The following OSBPL1A variants were observed in gnomAD, a reference collection of about 807,000 sequenced individuals.
OSBPL1A encodes oxysterol-binding protein-related protein 1.
OSBPL1A carries 80 observed loss-of-function variants against 137.1 expected under a neutral mutation model. The ratio of observed to expected loss-of-function variants is 0.58; its 90% CI spans 0.49 to 0.70. The LOEUF (loss-of-function observed/expected upper bound fraction) is 0.70, where lower values mean the gene tolerates loss of function less well. Among genes scored for constraint, OSBPL1A ranks in the 30% least tolerant of loss-of-function variants. The pLI is 0.00. For synonymous variants in OSBPL1A, 365 were observed against 389.7 expected (o/e 0.94, Z 0.75); for missense variants, 970 against 1,129.4 (o/e 0.86, Z 2.02).
rs143568480 is a variant in OSBPL1A at position 24,298,580 on chromosome 18, C to T, written c.1174+5057G>A. On this transcript the variant is annotated intron_variant, in intron 14 of 27. Coordinates refer to ENST00000319481, the MANE Select transcript of OSBPL1A (RefSeq NM_080597.4). ...CAGGATGGTCTCGATCTCCGGACCT[C>T]GTGTTCCACCCACCTCGGCCTCCCA... Among the ~76,000 whole-genome samples the T allele has an allele frequency of 5.6e-3, 851 of 152,288 alleles. 7 individuals carry two copies. The highest frequency in any genetic ancestry group is 0.02 in the African/African-American group (819 of 41,560).
intron 1 of OSBPL1A, among the ~76,000 whole-genome samples, chr18:24,383,456 G>A (rs1304467422): frequency 4.6e-5 from 7 of 152,176 alleles, no homozygotes; most frequent in African/African-American, 1.7e-4. Flanking sequence ...AATATGAAAA[G>A]GATAAAAATA....
intron 14 of OSBPL1A, among the ~76,000 whole-genome samples, chr18:24,294,362 G>A (rs141161554): frequency 1.3e-5 from 2 of 152,160 alleles, no homozygotes; most frequent in African/African-American, 4.8e-5. Flanking sequence ...CTCCTGAGTA[G>A]CGGGGATTAC....
intron 16 of OSBPL1A, among the ~76,000 whole-genome samples, chr18:24,238,775 C>T (rs539860302): frequency 7.2e-5 from 11 of 152,290 alleles, no homozygotes; most frequent in South Asian, 4.1e-4. Context: ...GTGGTCTCAC[C>T]TCTACTGTGG....
chr18:24,167,292 C>T lies in OSBPL1A; in HGVS notation c.2535+37G>A, dbSNP rs771343719. 5 of 1,565,656 alleles carry T rather than the reference C, an allele frequency of 3.2e-6. No individual in the cohort carries two copies. The South Asian group carries it at 5.6e-5, about 17-fold the overall frequency. On this transcript the variant is annotated intron_variant, in intron 25 of 27. Transcript: ENST00000319481. ...GGAAAGAGCGCCACAATGCTAAACA[C>T]AGACAGTGAGGCCACAGCCAGCAAG...
intron 15 of OSBPL1A, among the ~76,000 whole-genome samples, chr18:24,260,837 C>CAA (rs71373370): frequency 0.23 from 27,074 of 120,108 alleles, 3,202 homozygotes; most frequent in African/African-American, 0.36. Context: ...TAAAAGAACT[C>CAA]AAAAAAAAAA....
intron 15 of OSBPL1A, among the ~76,000 whole-genome samples, chr18:24,252,298 A>G (rs1195437994): frequency 6.6e-6 from 1 of 152,198 alleles, no homozygotes; most frequent in African/African-American, 2.4e-5. Context: ...AAGGTCAAGT[A>G]TAAAGAAAGA....
intron 7 of OSBPL1A, among the ~76,000 whole-genome samples, chr18:24,323,307 C>G (rs1295283534): frequency 2.0e-5 from 3 of 151,920 alleles, no homozygotes; most frequent in Non-Finnish European, 4.4e-5. Context: ...AATCCCAGCA[C>G]TTTGGGAGGC....
intron 21 of OSBPL1A, among the ~76,000 whole-genome samples, chr18:24,172,906 C>T (rs574824844): frequency 6.6e-6 from 1 of 152,188 alleles, no homozygotes; most frequent in Admixed American, 6.5e-5. Context: ...TCCTATATAT[C>T]CAGAGGAATA....
At chr18:24,183,472 G>A (rs544217906) in intron 18 of OSBPL1A, among the ~76,000 whole-genome samples, 32 of 144,960 alleles carry the variant, frequency 2.2e-4, no homozygotes, top group Non-Finnish European at 9.0e-5. Flanking sequence ...TGCTCTTGTC[G>A]CCCAGGCTGG....
intron 15 of OSBPL1A, among the ~76,000 whole-genome samples, chr18:24,251,048 G>A (rs1430310088): frequency 6.6e-6 from 1 of 152,176 alleles, no homozygotes; most frequent in Non-Finnish European, 1.5e-5. Flanking sequence ...GGAAGAGCGG[G>A]AAGGACTTTA....
Position 24,346,342 on chromosome 18 carries a change from C to T in OSBPL1A, c.283-4684G>A, listed in dbSNP as rs78043185. 2.2e-3 allele frequency among the ~76,000 whole-genome samples: 339 copies of T among 152,296 alleles called. 7 individuals are homozygous for T. In the East Asian group the frequency reaches 0.024, roughly 11 times the overall value. ...GGTGTAATTCACATACCATAAACTT[C>T]ACCCTGCTAAAAGTGCACAATTCTG... On this transcript the variant is annotated intron_variant, in intron 4 of 27. Transcript: ENST00000319481.
intron 15 of OSBPL1A, among the ~76,000 whole-genome samples, chr18:24,269,710 A>G (rs1380566484): frequency 6.6e-6 from 1 of 152,198 alleles, no homozygotes; most frequent in African/African-American, 2.4e-5. Flanking sequence ...TCAGAGTACA[A>G]GCCAGGCACT....
rs937516076 is a variant in OSBPL1A, at chr18:24,284,125, C to T, written c.1175-3177G>A. On this transcript the variant is annotated intron_variant, in intron 14 of 27. Coordinates refer to ENST00000319481, the MANE Select transcript of OSBPL1A (RefSeq NM_080597.4). ...CACAGCGGAACAGTTTAAGAATTGCCGAACCTTGCCGTATGCCACACTGCA... is the reference window on the plus strand; with the variant it reads ...CACAGCGGAACAGTTTAAGAATTGCTGAACCTTGCCGTATGCCACACTGCA... Among the ~76,000 whole-genome samples the T allele has an allele frequency of 5.3e-5, 8 of 151,980 alleles. No homozygotes were observed. The South Asian group carries it at 6.2e-4, about 12-fold the overall frequency.
At chr18:24,345,130 T>A (rs2091324583) in intron 4 of OSBPL1A, among the ~76,000 whole-genome samples, 1 of 149,966 alleles carries the variant, frequency 6.7e-6, no homozygotes, top group Non-Finnish European at 1.5e-5. Context: ...GAAGAATGTT[T>A]AAAAAAAAAT....
At chr18:24,371,291 AAC>A (rs1458899104) in intron 2 of OSBPL1A, among the ~76,000 whole-genome samples, 1 of 152,162 alleles carries the variant, frequency 6.6e-6, no homozygotes, top group Non-Finnish European at 1.5e-5. Context: ...CATATATTCC[AAC>A]AAAAAGTAAT....
chr18:24,214,155 T>C (rs2087625917), intron 17 of OSBPL1A, among the ~76,000 whole-genome samples: 1 of 152,232 alleles, frequency 6.6e-6, no homozygotes, highest in African/African-American at 2.4e-5. Flanking sequence ...AAGAATAACT[T>C]AGATTTCATA....
rs527347055 is a variant in OSBPL1A, at chr18:24,294,301, G to A, written c.1174+9336C>T. ...GGCTGGAGTGCAGTGGCGCGATCTC[G>A]GCTCACTGCAACCTCCTCCTCCTGG... On this transcript the variant is annotated intron_variant, in intron 14 of 27. Coordinates refer to ENST00000319481, the MANE Select transcript of OSBPL1A (RefSeq NM_080597.4). Among the ~76,000 whole-genome samples the A allele has an allele frequency of 4.6e-5, 7 of 151,666 alleles. No individual in the cohort carries two copies. The East Asian group carries it at 7.8e-4, about 17-fold the overall frequency.
chr18:24,307,787 T>G (rs913235226), intron 13 of OSBPL1A, among the ~76,000 whole-genome samples: 1 of 152,210 alleles, frequency 6.6e-6, no homozygotes, highest in Non-Finnish European at 1.5e-5. Context: ...TTATTCTTTT[T>G]TTGTTGTTGT....
chr18:24,254,289 C>A (rs529027322), intron 15 of OSBPL1A, among the ~76,000 whole-genome samples: 4 of 152,070 alleles, frequency 2.6e-5, no homozygotes, highest in African/African-American at 9.7e-5. Flanking sequence ...TGGACAGATC[C>A]CCCAGACAGA....
Sources: gnomAD v4.1 joint callset for allele counts (sites outside exome capture counted in the v4.1 genomes callset) on GRCh38, gnomAD v4.1.1 for gene constraint, MANE v1.5 for transcripts, NCBI Gene and HGNC (gene_info 2026-07-23, HGNC 2026-07-21) for gene names.